DPP4: variants seen among roughly 807,000 people sequenced by gnomAD.
The protein encoded by DPP4 is ADCP-2.
DPP4 carries 93 observed loss-of-function variants against 122.4 expected under a neutral mutation model. The observed-to-expected ratio is 0.76, with a 90% CI of 0.64 to 0.90. DPP4 has a LOEUF of 0.90. Among genes scored for constraint, DPP4 ranks in the 40% least tolerant of loss-of-function variants. The pLI is 0.00. For synonymous variants in DPP4, 321 were observed against 302.9 expected, an observed-to-expected ratio of 1.06 and a Z score of -0.62; for missense variants, 914 against 907.3, an observed-to-expected ratio of 1.01 and a Z score of -0.09.
chr2:162,053,625 G>T (rs79373486), intron 2 of DPP4, among the ~76,000 whole-genome samples: 8,582 of 152,214 alleles, frequency 0.056, 560 homozygotes, highest in East Asian at 0.25. Flanking sequence ...GCACCTCCTT[G>T]TCTCTGCTGT....
At chr2:161,993,976 T>C (rs1700930212) in intron 25 of DPP4, among the ~76,000 whole-genome samples, 1 of 152,246 alleles carries the variant, frequency 6.6e-6, no homozygotes, top group South Asian at 2.1e-4. Flanking sequence ...CACTTAGATT[T>C]TAAACTGGTA....
intron 2 of DPP4, among the ~76,000 whole-genome samples, chr2:162,050,385 A>C (rs933963683): frequency 6.6e-6 from 1 of 152,186 alleles, no homozygotes; most frequent in African/African-American, 2.4e-5. Context: ...GAGCCGCTGC[A>C]CCAGGCCTAG....
intron 16 of DPP4, among the ~76,000 whole-genome samples, 169 bp downstream of exon 16, chr2:162,018,559 TC>T (rs1185558304): frequency 1.3e-5 from 2 of 152,214 alleles, no homozygotes; most frequent in Non-Finnish European, 2.9e-5. Context: ...TGCAAGTCTC[TC>T]AGTGATAAGG....
In DPP4 at chr2:162,074,181, CGGCGCGGGAGCAGGCGCGCGT is replaced by C; in HGVS notation, c.-221_-201del. ...CGCCGCGGGCAGGCTGCAGGGCAGGCGGCGCGGGAGCAGGCGCGCGTGGCGCGGGGCACTGGCATCCCGGCC... is the reference window on the plus strand; with the variant it reads ...CGCCGCGGGCAGGCTGCAGGGCAGGCGGCGCGGGGCACTGGCATCCCGGCC... On this transcript the variant is annotated 5_prime_UTR_variant, in exon 1 of 26. Coordinates refer to ENST00000360534, the MANE Select transcript of DPP4 (RefSeq NM_001935.4). 1 of 1,250,984 alleles carries C rather than the reference CGGCGCGGGAGCAGGCGCGCGT, an allele frequency of 8.0e-7. No homozygotes were observed. The allele number at this position is 1,250,984 out of a possible 1,614,324, so 77.5% of individuals were successfully genotyped here.
rs200385525 is a variant in DPP4, at chr2:162,014,403, A to T, written c.1630T>A (p.Leu544Ile). 1.2e-6 allele frequency: 2 copies of T among 1,606,082 alleles called. No individual in the cohort carries two copies. Among genetic ancestry groups the T allele is most frequent in the African/African-American group, 2.7e-5 (2 of 74,652 alleles). ...CTTCTCTTGAATACTTACACATCTA[A>T]TAGTAGAGGATATTTCTTGGATTTA... ...FDKSKKYPLLLDVYAGPCSQK... is the reference protein window; with the variant it reads ...FDKSKKYPLLIDVYAGPCSQK... The change falls in exon 19 of 26, where the codon TTA becomes ATA. Residue 544 changes from leucine (L) to isoleucine (I), a missense_variant. By Grantham distance (5) the Leu-to-Ile change is conservative. Coordinates refer to ENST00000360534, the MANE Select transcript of DPP4 (RefSeq NM_001935.4).
chr2:162,036,092 C>T (rs1277287363), intron 8 of DPP4, among the ~76,000 whole-genome samples: 1 of 152,158 alleles, frequency 6.6e-6, no homozygotes, highest in African/African-American at 2.4e-5. Context: ...TATTCAATCA[C>T]TGGCTCTTAA....
chr2:162,003,312 G>C (rs928467090), intron 23 of DPP4, among the ~76,000 whole-genome samples: 5 of 152,176 alleles, frequency 3.3e-5, no homozygotes, highest in African/African-American at 1.2e-4. Flanking sequence ...CTGGAGAAGA[G>C]GGGGAACTCG....
intron 22 of DPP4, 150 bp downstream of exon 22, chr2:162,008,412 A>G (rs1303192310): frequency 6.4e-6 from 4 of 622,664 alleles, no homozygotes; most frequent in Non-Finnish European, 1.1e-5. Flanking sequence ...AAATGAGATC[A>G]TCTTATTATA....
chr2:162,012,576 T>C (rs1682741308), intron 19 of DPP4, among the ~76,000 whole-genome samples: 1 of 152,110 alleles, frequency 6.6e-6, no homozygotes, highest in Non-Finnish European at 1.5e-5. Flanking sequence ...AAAACGGGCA[T>C]GTCATTGGGC....
chr2:162,062,262 A>G (rs1458777689), intron 2 of DPP4, among the ~76,000 whole-genome samples: 1 of 152,242 alleles, frequency 6.6e-6, no homozygotes, highest in Non-Finnish European at 1.5e-5. Context: ...AGCCTGAGCG[A>G]CAGAGCAAGA....
intron 10 of DPP4, among the ~76,000 whole-genome samples, chr2:162,026,496 C>A (rs540548832): frequency 5.5e-4 from 84 of 152,348 alleles, no homozygotes; most frequent in South Asian, 1.0e-3. Flanking sequence ...GTTGCCCCCT[C>A]TTTGTTCAGT....
At chr2:162,019,313 GT>G in intron 14 of DPP4, 37 bp from the exon 15 acceptor site, 1 of 1,393,028 alleles carries the variant, frequency 7.2e-7, no homozygotes, top group Non-Finnish European at 9.9e-7. Flanking sequence ...TATTAATTAT[GT>G]TTTTTAAGAA....
At chr2:162,072,120 A>G (rs1287421848) in intron 2 of DPP4, among the ~76,000 whole-genome samples, 1 of 152,198 alleles carries the variant, frequency 6.6e-6, no homozygotes, top group Non-Finnish European at 1.5e-5. Context: ...CAGGGCCTTT[A>G]TATTTATATT....
At chr2:162,054,545 G>A (rs933088982) in intron 2 of DPP4, among the ~76,000 whole-genome samples, 1 of 152,208 alleles carries the variant, frequency 6.6e-6, no homozygotes, top group Non-Finnish European at 1.5e-5. Context: ...GTGATATTAA[G>A]AGGTGGAACC....
In DPP4 at chr2:162,017,374, G is replaced by A. The variant is rs575950626; in HGVS notation, c.1421-219C>T. 36 of 522,498 alleles carry A rather than the reference G, an allele frequency of 6.9e-5. 1 individual carries two copies. In the South Asian group the frequency reaches 1.1e-3, roughly 16 times the overall value. 32.4% of individuals were successfully genotyped at this position (522,498 alleles called of 1,614,324 possible). ...TAAGAAGTATTACTGGAAAGGCACA[G>A]GGCTCAGTAGAATGAAGTAGGAAAT... On this transcript the variant is annotated intron_variant, in intron 16 of 25. Transcript: ENST00000360534.
At chr2:162,048,453 C>G (rs545642054) in intron 2 of DPP4, among the ~76,000 whole-genome samples, 9 of 152,060 alleles carry the variant, frequency 5.9e-5, no homozygotes, top group Non-Finnish European at 1.3e-4. Flanking sequence ...TCAATATTTC[C>G]CCATTGCCTA....
intron 9 of DPP4, 33 bp from the exon 10 acceptor site, chr2:162,033,686 CAA>C (rs11437441): frequency 6.4e-4 from 727 of 1,127,772 alleles, no homozygotes; most frequent in South Asian, 1.2e-3. Context: ...TTGGTATTGA[CAA>C]AAAAAAAAAA....
rs201577322 is a variant in DPP4 at position 161,992,970 on chromosome 2, C to T, written c.*313G>A. Reference sequence around the variant, plus strand: ...AGTCCAGTTAGAAAAAGATTAAAATCCTGCTCAGGGAATCTATGCAAAGCC... The same window carrying T: ...AGTCCAGTTAGAAAAAGATTAAAATTCTGCTCAGGGAATCTATGCAAAGCC... On this transcript the variant is annotated 3_prime_UTR_variant, in exon 26 of 26. Transcript: ENST00000360534. 1.5e-5 allele frequency: 4 copies of T among 270,146 alleles called. No individual in the cohort carries two copies. Among genetic ancestry groups the T allele is most frequent in the Non-Finnish European group, 2.9e-5 (4 of 138,134 alleles). The allele number at this position is 270,146 out of a possible 1,614,324, so 16.7% of individuals were successfully genotyped here.
At chr2:161,997,639 A>T (rs1035798595) in intron 23 of DPP4, among the ~76,000 whole-genome samples, 1 of 152,216 alleles carries the variant, frequency 6.6e-6, no homozygotes, top group African/African-American at 2.4e-5. Context: ...TTCTATCCAT[A>T]CACCATACCA....
Sources: allele counts gnomAD v4.1 joint callset (sites outside exome capture counted in the v4.1 genomes callset), GRCh38; gene constraint gnomAD v4.1.1; transcripts MANE v1.5; gene names NCBI Gene and HGNC (gene_info 2026-07-23, HGNC 2026-07-21).